Variants in AFAP1 observed in about 807,000 individuals in gnomAD.
The protein encoded by AFAP1 is actin filament associated protein 1.
A neutral mutation model predicts 93.9 loss-of-function variants in AFAP1; 75 were observed. That is an observed-to-expected ratio of 0.80 (90% confidence interval 0.66 to 0.97). The LOEUF (loss-of-function observed/expected upper bound fraction) is 0.97, where lower values mean the gene tolerates loss of function less well. AFAP1 is among the 50% of genes least tolerant of loss of function. The pLI, the probability that AFAP1 is intolerant of heterozygous loss-of-function variation, is 0.00. For missense variants in AFAP1, 1,201 were observed against 1,050.8 expected, an observed-to-expected ratio of 1.14 and a Z score of -1.98; for synonymous variants, 517 against 430.7, an observed-to-expected ratio of 1.20 and a Z score of -2.48.
intron 1 of AFAP1, among the ~76,000 whole-genome samples, chr4:7,894,954 C>G (rs1718682386): frequency 6.6e-6 from 1 of 152,220 alleles, no homozygotes; most frequent in Admixed American, 6.5e-5. Flanking sequence ...GCAGATGGCT[C>G]CGCCGCTATG....
At chr4:7,913,388 CAA>C (rs763367846) in intron 1 of AFAP1, among the ~76,000 whole-genome samples, 923 of 62,028 alleles carry the variant, frequency 0.015, 9 homozygotes, top group African/African-American at 0.043. Flanking sequence ...ACCCTGTCTC[CAA>C]AAAAAAAAAA....
intron 12 of AFAP1, among the ~76,000 whole-genome samples, chr4:7,784,229 C>A (rs531127502): frequency 2.0e-5 from 3 of 152,090 alleles, no homozygotes; most frequent in African/African-American, 7.2e-5. Flanking sequence ...ACCTGATACC[C>A]CTCCGCCTAA....
intron 1 of AFAP1, among the ~76,000 whole-genome samples, chr4:7,888,261 G>A (rs966054446): frequency 2.0e-5 from 3 of 152,114 alleles, no homozygotes; most frequent in Non-Finnish European, 4.4e-5. Context: ...TCACCTAAAC[G>A]CACCAAAACA....
At chr4:7,901,021 G>A (rs1231242182) in intron 1 of AFAP1, among the ~76,000 whole-genome samples, 1 of 152,210 alleles carries the variant, frequency 6.6e-6, no homozygotes, top group Non-Finnish European at 1.5e-5. Context: ...TGCGATTCCA[G>A]CGCAGATTTT....
At position 7,762,500 on chromosome 4, in the gene AFAP1, C is replaced by CAAGAAGTTAATCTGATTTTT. The variant is rs1713959018; in HGVS notation, c.*1245_*1264dup. On this transcript the variant is annotated 3_prime_UTR_variant, in exon 18 of 18. Coordinates refer to ENST00000420658, the MANE Select transcript of AFAP1 (RefSeq NM_001134647.2). The stretch of plus-strand genomic sequence containing the variant: ...TTCCTGACAGCAGCCTCCGGGAGAC[C>CAAGAAGTTAATCTGATTTTT]AAGAAGTTAATCTGATTTTTAAACC... 6.6e-6 allele frequency: 1 copy of CAAGAAGTTAATCTGATTTTT among 152,314 alleles called. No homozygotes were observed. The highest frequency in any genetic ancestry group is 2.1e-4 in the South Asian group (1 of 4,822). 9.4% of individuals were successfully genotyped at this position (152,314 alleles called of 1,614,324 possible).
At chr4:7,768,286 C>G (rs1345068187) in intron 17 of AFAP1, among the ~76,000 whole-genome samples, 1 of 152,232 alleles carries the variant, frequency 6.6e-6, no homozygotes, top group East Asian at 1.9e-4. Context: ...TTAAAGATTT[C>G]TGAGGTTTCA....
At chr4:7,840,041 T>A (rs1268535654) in intron 5 of AFAP1, among the ~76,000 whole-genome samples, 1 of 152,154 alleles carries the variant, frequency 6.6e-6, no homozygotes, top group African/African-American at 2.4e-5. Flanking sequence ...TGGTGGCTCA[T>A]TCTGCAGATT....
chr4:7,823,514 A>G (rs1721157606), intron 6 of AFAP1, among the ~76,000 whole-genome samples: 1 of 151,978 alleles, frequency 6.6e-6, no homozygotes, highest in South Asian at 2.1e-4. Context: ...CCCTACCCTA[A>G]CACACACACC....
intron 3 of AFAP1, among the ~76,000 whole-genome samples, chr4:7,860,708 G>A (rs1055228382): frequency 1.3e-5 from 2 of 152,184 alleles, no homozygotes; most frequent in African/African-American, 4.8e-5. Context: ...GGCATCCGTT[G>A]CTCCTGCAGC....
intron 6 of AFAP1, among the ~76,000 whole-genome samples, chr4:7,828,149 G>A (rs1274923347): frequency 6.6e-6 from 1 of 152,104 alleles, no homozygotes; most frequent in Non-Finnish European, 1.5e-5. Flanking sequence ...GAGAACTCTG[G>A]CAAAGCCACT....
intron 12 of AFAP1, among the ~76,000 whole-genome samples, chr4:7,784,180 G>C (rs548321143): frequency 2.6e-5 from 4 of 152,260 alleles, no homozygotes; most frequent in African/African-American, 9.6e-5. Context: ...AGACACCCCA[G>C]GGAGGATTGG....
intron 1 of AFAP1, among the ~76,000 whole-genome samples, chr4:7,898,527 G>C (rs971946026): frequency 2.6e-5 from 4 of 151,908 alleles, no homozygotes; most frequent in African/African-American, 4.8e-5. Flanking sequence ...CACAGAAAGA[G>C]AAAGTGCAAA....
chr4:7,811,707 C>T (rs530176546), intron 8 of AFAP1, among the ~76,000 whole-genome samples: 4 of 152,278 alleles, frequency 2.6e-5, no homozygotes, highest in Non-Finnish European at 5.9e-5. Context: ...GGAGGGGAGC[C>T]GCCTTGGAGG....
chr4:7,782,387 CTCTG>C (rs1470673180), intron 12 of AFAP1, among the ~76,000 whole-genome samples: 1 of 152,228 alleles, frequency 6.6e-6, no homozygotes, highest in Non-Finnish European at 1.5e-5. Flanking sequence ...CTGTCCCCTG[CTCTG>C]TACTGAAGAA....
chr4:7,796,904 TA>T (rs35272809), intron 10 of AFAP1, among the ~76,000 whole-genome samples: 78,674 of 150,662 alleles, frequency 0.52, 22,837 homozygotes, highest in African/African-American at 0.79. Context: ...TACTAAAAAG[TA>T]AAAAAAATTA....
chr4:7,916,577 C>G lies in AFAP1; in HGVS notation c.-3+23079G>C, dbSNP rs192813430. On this transcript the variant is annotated intron_variant, in intron 1 of 17. Coordinates refer to ENST00000420658, the MANE Select transcript of AFAP1 (RefSeq NM_001134647.2). The stretch of plus-strand genomic sequence containing the variant: ...CTATGATAGCTGATTATACGTGAAG[C>G]CCTCTAGTCCCAGGATGACTCCCCT... Among the ~76,000 whole-genome samples, 440 of 152,266 alleles carry G rather than the reference C, an allele frequency of 2.9e-3. 3 individuals are homozygous for G. Among genetic ancestry groups the G allele is most frequent in the Non-Finnish European group, 4.7e-3 (321 of 68,026 alleles).
At chr4:7,842,978 G>A (rs921786947) in intron 5 of AFAP1, 161 bp downstream of exon 5, 6 of 718,404 alleles carry the variant, frequency 8.4e-6, no homozygotes, top group Admixed American at 5.8e-5. Flanking sequence ...GATGGCATGT[G>A]GGGGCCCCTG....
chr4:7,881,756 G>C (rs946526161), intron 1 of AFAP1, among the ~76,000 whole-genome samples: 20 of 151,338 alleles, frequency 1.3e-4, no homozygotes, highest in Non-Finnish European at 2.5e-4. Context: ...ACTTCAGCCT[G>C]GGCGACAGAG....
chr4:7,874,946 C>A (rs1353869574), intron 1 of AFAP1, among the ~76,000 whole-genome samples: 3 of 151,894 alleles, frequency 2.0e-5, no homozygotes, highest in South Asian at 2.1e-4. Context: ...ATGGTAAGTA[C>A]CTACAGATAT....
Sources: gnomAD v4.1 joint callset for allele counts (sites outside exome capture counted in the v4.1 genomes callset) on GRCh38, gnomAD v4.1.1 for gene constraint, MANE v1.5 for transcripts, NCBI Gene and HGNC (gene_info 2026-07-23, HGNC 2026-07-21) for gene names.